Variants in SEMA6D observed in about 807,000 individuals in gnomAD.
SEMA6D encodes semaphorin-6D.
SEMA6D carries 35 observed loss-of-function variants against 106.6 expected under a neutral mutation model. The ratio of observed to expected loss-of-function variants is 0.33; its 90% CI spans 0.25 to 0.44. SEMA6D has a LOEUF of 0.44. Among genes scored for constraint, SEMA6D ranks in the 20% least tolerant of loss-of-function variants. SEMA6D has a pLI of 1.00. For synonymous variants in SEMA6D, 499 were observed against 487.7 expected, an observed-to-expected ratio of 1.02 and a Z score of -0.31; for missense variants, 1,185 against 1,345.9, an observed-to-expected ratio of 0.88 and a Z score of 1.87.
intron 1 of SEMA6D, among the ~76,000 whole-genome samples, chr15:47,259,301 C>G (rs1353888730): frequency 1.3e-5 from 2 of 152,106 alleles, no homozygotes; most frequent in African/African-American, 4.8e-5. Flanking sequence ...TTTATGATTA[C>G]CTTTTTGTTT....
intron 1 of SEMA6D, 104 bp downstream of exon 1, chr15:47,717,796 C>CGCGT (rs1567014061): frequency 2.5e-5 from 3 of 120,386 alleles, no homozygotes; most frequent in African/African-American, 1.2e-4. Flanking sequence ...TGTGTGTGTG[C>CGCGT]GCGCGGTGGG....
At chr15:47,384,831 T>TTTTG (rs1595878999) in intron 1 of SEMA6D, among the ~76,000 whole-genome samples, 2 of 145,044 alleles carry the variant, frequency 1.4e-5, no homozygotes, top group East Asian at 2.0e-4. Flanking sequence ...TTTTTTTTTT[T>TTTTG]TTTTTTTTTT....
intron 2 of SEMA6D, among the ~76,000 whole-genome samples, chr15:47,466,528 T>G (rs1357881508): frequency 1.3e-5 from 2 of 152,168 alleles, no homozygotes; most frequent in African/African-American, 4.8e-5. Context: ...ATTGTAAATA[T>G]TTATCAAATT....
At chr15:47,616,933 T>C (rs2077018446) in intron 4 of SEMA6D, among the ~76,000 whole-genome samples, 2 of 152,218 alleles carry the variant, frequency 1.3e-5, no homozygotes, top group African/African-American at 4.8e-5. Context: ...TCAACTGAAC[T>C]GCTAAGAAAC....
intron 3 of SEMA6D, among the ~76,000 whole-genome samples, chr15:47,510,027 C>A (rs1202876623): frequency 1.3e-5 from 2 of 152,186 alleles, no homozygotes; most frequent in African/African-American, 4.8e-5. Flanking sequence ...ACATCTCTCT[C>A]TTTCCTTCTC....
At chr15:47,699,632 C>G (rs981546158) in intron 4 of SEMA6D, among the ~76,000 whole-genome samples, 2 of 152,128 alleles carry the variant, frequency 1.3e-5, no homozygotes, top group African/African-American at 4.8e-5. Context: ...ACCTAAACTG[C>G]CCTCCTGCAT....
chr15:47,290,414 A>G (rs1326297848), intron 1 of SEMA6D, among the ~76,000 whole-genome samples: 1 of 152,186 alleles, frequency 6.6e-6, no homozygotes, highest in East Asian at 1.9e-4. Flanking sequence ...AGAGATTGAG[A>G]AACTGGGAGA....
intron 4 of SEMA6D, among the ~76,000 whole-genome samples, chr15:47,697,608 A>G (rs1446760832): frequency 1.3e-5 from 2 of 152,200 alleles, no homozygotes; most frequent in Non-Finnish European, 2.9e-5. Context: ...TTAGAAATCA[A>G]ACTCCAAAAC....
rs188079234 is a variant in SEMA6D, at chr15:47,617,168, C to T, written c.-55+16272C>T. Among the ~76,000 whole-genome samples the T allele has an allele frequency of 5.7e-4, 87 of 152,238 alleles. 1 individual carries two copies. The highest frequency in any genetic ancestry group is 1.0e-3 in the Non-Finnish European group (68 of 68,008). Reference sequence around the variant, plus strand: ...AAGATTTCCCTCAGAAGCTGGAGCTCGTTACTGTTTCTCCAGTCTCTTCCA... The same window carrying T: ...AAGATTTCCCTCAGAAGCTGGAGCTTGTTACTGTTTCTCCAGTCTCTTCCA... On this transcript the variant is annotated intron_variant, in intron 4 of 19. Transcript: ENST00000558014.
At chr15:47,223,500 A>AT (rs765960334) in intron 1 of SEMA6D, among the ~76,000 whole-genome samples, 3 of 151,358 alleles carry the variant, frequency 2.0e-5, no homozygotes, top group East Asian at 3.9e-4. Flanking sequence ...CTTTTTAAGG[A>AT]TTTTTTCTTT....
At chr15:47,634,959 T>C (rs2077359420) in intron 4 of SEMA6D, among the ~76,000 whole-genome samples, 2 of 152,188 alleles carry the variant, frequency 1.3e-5, no homozygotes, top group South Asian at 2.1e-4. Flanking sequence ...GCCAGCACTT[T>C]CCTGGTGTTT....
chr15:47,597,753 G>A (rs551642805), intron 3 of SEMA6D, among the ~76,000 whole-genome samples: 227 of 151,570 alleles, frequency 1.5e-3, no homozygotes, highest in African/African-American at 5.1e-3. Context: ...TGGTCAAAGG[G>A]CAGAAAGTTG....
At chr15:47,292,686 G>A (rs1595660685) in intron 1 of SEMA6D, among the ~76,000 whole-genome samples, 1 of 152,174 alleles carries the variant, frequency 6.6e-6, no homozygotes, top group Admixed American at 6.6e-5. Flanking sequence ...GCAAACGTTA[G>A]CCTTGCACCC....
At chr15:47,270,722 G>A (rs755300800) in intron 1 of SEMA6D, among the ~76,000 whole-genome samples, 9 of 152,008 alleles carry the variant, frequency 5.9e-5, no homozygotes, top group Non-Finnish European at 8.8e-5. Context: ...GGCCGAACGC[G>A]GTGGTTCACA....
chr15:47,507,980 A>G (rs1018707878), intron 3 of SEMA6D, among the ~76,000 whole-genome samples: 2 of 152,216 alleles, frequency 1.3e-5, no homozygotes, highest in African/African-American at 2.4e-5. Flanking sequence ...GCAATTAAGG[A>G]AAATGTAAAG....
At chr15:47,381,370 A>G (rs1011532370) in intron 1 of SEMA6D, among the ~76,000 whole-genome samples, 14 of 152,184 alleles carry the variant, frequency 9.2e-5, no homozygotes, top group African/African-American at 3.4e-4. Context: ...ACAGATAACC[A>G]TTGCACAGTT....
chr15:47,568,260 T>C (rs917094313), intron 3 of SEMA6D, among the ~76,000 whole-genome samples: 1 of 151,778 alleles, frequency 6.6e-6, no homozygotes, highest in Non-Finnish European at 1.5e-5. Context: ...GTTTCCTCTA[T>C]AGAAACTATT....
chr15:47,556,178 G>T (rs183679802), intron 3 of SEMA6D, among the ~76,000 whole-genome samples: 1 of 151,860 alleles, frequency 6.6e-6, no homozygotes, highest in Non-Finnish European at 1.5e-5. Context: ...ATTATTTATC[G>T]CACAAACAAC....
chr15:47,351,734 T>C (rs1019418820), intron 1 of SEMA6D, among the ~76,000 whole-genome samples: 1 of 152,200 alleles, frequency 6.6e-6, no homozygotes, highest in Non-Finnish European at 1.5e-5. Context: ...TGAGTCTTCC[T>C]GGTGTTCTAA....
Sources: allele counts gnomAD v4.1 joint callset (sites outside exome capture counted in the v4.1 genomes callset), GRCh38; gene constraint gnomAD v4.1.1; transcripts MANE v1.5; gene names NCBI Gene and HGNC (gene_info 2026-07-23, HGNC 2026-07-21).